HSPD1: variants seen among roughly 807,000 people sequenced by gnomAD.
HSPD1 encodes the protein 60 kDa heat shock protein, mitochondrial.
HSPD1 carries 3 observed loss-of-function variants against 53.0 expected under a neutral mutation model. That is an observed-to-expected ratio of 0.06 (90% CI 0.03 to 0.15). HSPD1 has a LOEUF of 0.15. Ranked by LOEUF, HSPD1 falls within the 10% of genes least tolerant of loss-of-function variation. The probability of loss-of-function intolerance (pLI) is 1.00; values close to 1 mark genes in which losing one functional copy is unlikely to be tolerated. For missense variants in HSPD1, 431 were observed against 694.1 expected, an observed-to-expected ratio of 0.62 and a Z score of 4.26; for synonymous variants, 200 against 228.0, an observed-to-expected ratio of 0.88 and a Z score of 1.10.
rs1389250218 is a variant in HSPD1, at chr2:197,486,873, G to A, written c.*173C>T. 1.7e-6 allele frequency: 1 copy of A among 605,334 alleles called. No individual in the cohort carries two copies. The highest frequency in any genetic ancestry group is 2.0e-5 in the South Asian group (1 of 50,630). The allele number at this position is 605,334 out of a possible 1,614,324, so 37.5% of individuals were successfully genotyped here. A position where few individuals can be genotyped will look rare whatever the true frequency, so the allele number is the denominator to read the frequency against. On this transcript the variant is annotated 3_prime_UTR_variant, in exon 12 of 12. Transcript: ENST00000388968. ...TCTGTAGGCATGGACAATGACAGCA[G>A]TAAACCATTATATATTTTGTCAACT...
rs748699472 is a variant in HSPD1 at position 197,497,360 on chromosome 2, T to C, written c.207A>G (p.Gly69=). Residue 69 remains glycine (G), a synonymous_variant, in exon 3 of 12, where the codon GGA becomes GGG. Transcript: ENST00000388968. ...CACCATCTTTTGTTACTTTGGGACT[T>C]CCCCAACTCTGCTCAATAATCACTG... ...GRTVIIEQSW[G]SPKVTKDGVT... 1.2e-6 allele frequency: 2 copies of C among 1,613,638 alleles called. No individual in the cohort carries two copies. The highest frequency in any genetic ancestry group is 1.7e-6 in the Non-Finnish European group (2 of 1,179,588).
intron 4 of HSPD1, 66 bp downstream of exon 4, chr2:197,495,228 G>T (rs771901448): frequency 2.2e-5 from 19 of 877,922 alleles, no homozygotes; most frequent in Non-Finnish European, 3.1e-5. Flanking sequence ...TGTGATCAAG[G>T]GAAAAAAAAA....
At chr2:197,494,084 C>T (rs186629115) in intron 6 of HSPD1, 73 bp downstream of exon 6, 93 of 783,816 alleles carry the variant, frequency 1.2e-4, no homozygotes, top group Admixed American at 4.0e-4. Flanking sequence ...GCACTCCAGC[C>T]GGGGCAACAG....
In HSPD1 at chr2:197,498,658, A is replaced by C. The variant is rs930885026; in HGVS notation, c.174+17T>G. The C allele has an allele frequency of 6.2e-7, 1 of 1,608,398 alleles. No individual in the cohort carries two copies. The highest frequency in any genetic ancestry group is 8.5e-7 in the Non-Finnish European group (1 of 1,174,880). On this transcript the variant is annotated intron_variant, in intron 2 of 11. Coordinates refer to ENST00000388968, the MANE Select transcript of HSPD1 (RefSeq NM_002156.5). ...ATTAATAATACCGTAATTACAATAA[A>C]ATAAAAATACTGGTACCTTTGGCCC...
At chr2:197,493,932 T>G (rs1409018336) in intron 6 of HSPD1, among the ~76,000 whole-genome samples, 1 of 152,106 alleles carries the variant, frequency 6.6e-6, no homozygotes, top group African/African-American at 2.4e-5. Flanking sequence ...TGAAACCCCA[T>G]CTCTACTAAA....
rs779569096 is a variant in HSPD1, at chr2:197,487,148, A to T, written c.1620T>A (p.Thr540=). 6.2e-7 allele frequency: 1 copy of T among 1,608,470 alleles called. No individual in the cohort carries two copies. The highest frequency in any genetic ancestry group is 8.5e-7 in the Non-Finnish European group (1 of 1,174,948). Residue 540 remains threonine, a synonymous_variant, in exon 12 of 12, where the codon ACT becomes ACA. Transcript: ENST00000388968. ...LDAAGVASLL[T]TAEVVVTEIP... is the part of the protein sequence containing the mutation. ...TTTCTGTGACTACAACTTCTGCTGT[A>T]GTTAACAGAGAGGCCACACCAGCAG...
Position 197,487,911 on chromosome 2 carries a change from T to A in HSPD1, c.1516A>T (p.Met506Leu). 1 of 1,613,814 alleles carries A rather than the reference T, an allele frequency of 6.2e-7. No homozygotes were observed. The highest frequency in any genetic ancestry group is 1.1e-5 in the South Asian group (1 of 91,072). The change falls in exon 11 of 12, where the codon ATG becomes TTG. Residue 506 changes from methionine (M) to leucine (L), a missense_variant. Coordinates refer to ENST00000388968, the MANE Select transcript of HSPD1 (RefSeq NM_002156.5). ...QSSSEVGYDA[M>L]AGDFVNMVEK... is the part of the protein sequence containing the mutation. ...ACCATATTCACAAAATCTCCAGCCATAGCATCATAACCAACTTCTGAGGAA... is the reference window on the plus strand; with the variant it reads ...ACCATATTCACAAAATCTCCAGCCAAAGCATCATAACCAACTTCTGAGGAA...
intron 11 of HSPD1, 77 bp from the exon 12 acceptor site, chr2:197,487,275 T>C: frequency 3.0e-6 from 4 of 1,337,986 alleles, no homozygotes; most frequent in Non-Finnish European, 4.2e-6. Flanking sequence ...TGTCTGGGCA[T>C]GGTGGCTCAC....
At chr2:197,495,177 C>A (rs922640369) in intron 4 of HSPD1, 117 bp downstream of exon 4, 1 of 698,588 alleles carries the variant, frequency 1.4e-6, no homozygotes, top group African/African-American at 1.8e-5. Flanking sequence ...AACAATGATT[C>A]TAATATTGAT....
At chr2:197,490,502 AT>A in intron 7 of HSPD1, 1 of 582,496 alleles carries the variant, frequency 1.7e-6, no homozygotes, top group Admixed American at 3.0e-5. Context: ...TTTTCTATTA[AT>A]TATACTTGTC....
chr2:197,497,000 G>GT, intron 3 of HSPD1, 140 bp downstream of exon 3: 1 of 859,860 alleles, frequency 1.2e-6, no homozygotes, highest in Non-Finnish European at 1.9e-6. Flanking sequence ...GGAAAACCCA[G>GT]TTTAAGATTT....
chr2:197,493,205 A>C, intron 7 of HSPD1, 119 bp downstream of exon 7: 1 of 878,510 alleles, frequency 1.1e-6, no homozygotes, highest in Non-Finnish European at 1.9e-6. Flanking sequence ...TTACAATTCT[A>C]GATACAAACC....
intron 7 of HSPD1, among the ~76,000 whole-genome samples, chr2:197,492,151 T>C (rs2086101211): frequency 6.6e-6 from 1 of 152,142 alleles, no homozygotes; most frequent in Non-Finnish European, 1.5e-5. Context: ...AGTCTGTCTC[T>C]CAAAATAAAT....
rs955 is a variant in HSPD1 at position 197,486,851 on chromosome 2, G to A, written c.*195C>T. 8.5e-6 allele frequency: 5 copies of A among 586,966 alleles called. No homozygotes were observed. The South Asian group carries it at 1.0e-4, about 12-fold the overall frequency. The allele number at this position is 586,966 out of a possible 1,614,324, so 36.4% of individuals were successfully genotyped here. A position where few individuals can be genotyped will look rare whatever the true frequency, so the allele number is the denominator to read the frequency against. On this transcript the variant is annotated 3_prime_UTR_variant, in exon 12 of 12. Transcript: ENST00000388968. ...TTCAAAAATACAAAATAAATTATCT[G>A]TAGGCATGGACAATGACAGCAGTAA...
At chr2:197,488,086 T>TAA (rs751352479) in intron 10 of HSPD1, 50 bp from the exon 11 acceptor site, 69 of 1,289,638 alleles carry the variant, frequency 5.4e-5, no homozygotes, top group Non-Finnish European at 7.4e-5. Flanking sequence ...GTAAATATTG[T>TAA]AACACATTTA....
At chr2:197,487,809 T>G in intron 11 of HSPD1, 49 bp downstream of exon 11, 2 of 1,507,278 alleles carry the variant, frequency 1.3e-6, no homozygotes, top group Non-Finnish European at 1.8e-6. Flanking sequence ...GAGGATACAT[T>G]AACAAAATGA....
Position 197,488,346 on chromosome 2 carries a change from A to G in HSPD1, c.1361T>C (p.Leu454Ser). 6.2e-7 allele frequency: 1 copy of G among 1,613,978 alleles called. No individual in the cohort carries two copies. The highest frequency in any genetic ancestry group is 8.5e-7 in the Non-Finnish European group (1 of 1,179,856). The change falls in exon 10 of 12, where the codon TTG becomes TCG. Residue 454 changes from leucine (L) to serine (S), a missense_variant. Around this residue, in one of 2 missense-constraint regions of HSPD1, gnomAD observed 386 missense variants for 657.6 expected, o/e 0.59. Coordinates refer to ENST00000388968, the MANE Select transcript of HSPD1 (RefSeq NM_002156.5). ...TTTTTGATCTTCATTAGCTGGAGTC[A>G]ATGAGTCCAAGGCTGGAATGCATCG... is the stretch of plus-strand genomic sequence containing the variant. ...LLRCIPALDSLTPANEDQKIG... is the reference protein window; with the variant it reads ...LLRCIPALDSSTPANEDQKIG...
At chr2:197,488,874 A>T (rs1290248813) in intron 9 of HSPD1, 128 bp downstream of exon 9, 42 of 1,121,074 alleles carry the variant, frequency 3.7e-5, no homozygotes, top group Non-Finnish European at 2.3e-5. Context: ...AAAACAAACA[A>T]AATTCCACTA....
Position 197,487,965 on chromosome 2 carries a change from A to T in HSPD1, c.1462T>A (p.Ser488Thr), listed in dbSNP as rs1559300150. 11 of 1,612,892 alleles carry T rather than the reference A, an allele frequency of 6.8e-6. No individual in the cohort carries two copies. Among genetic ancestry groups the T allele is most frequent in the Non-Finnish European group, 8.5e-6 (10 of 1,179,036 alleles). Residue 488 changes from serine (S) to threonine (T), a missense_variant, in exon 11 of 12, where the codon TCT becomes ACT. Physicochemically the swap from Ser to Thr is moderately conservative, Grantham distance 58. Transcript: ENST00000388968. ...TGCATAATTTTCTCAACTATCAAAG[A>T]TCCTTCAACACCTGCATTCTTAGCA... ...TIAKNAGVEG[S>T]LIVEKIMQSS... is the part of the protein sequence containing the mutation.
Sources: gnomAD v4.1 joint callset for allele counts (sites outside exome capture counted in the v4.1 genomes callset) on GRCh38, gnomAD v4.1.1 for gene constraint, gnomAD v4.1.1 regional missense constraint, MANE v1.5 for transcripts, NCBI Gene and HGNC (gene_info 2026-07-23, HGNC 2026-07-21) for gene names.